Variants in ZBTB16 observed in about 807,000 individuals in gnomAD.
The protein encoded by ZBTB16 is zinc finger and BTB domain containing 16, also known as zinc finger and BTB domain-containing protein 16.
ZBTB16 carries 8 observed loss-of-function variants against 56.8 expected under a neutral mutation model. The observed-to-expected ratio is 0.14, with a 90% CI of 0.08 to 0.25. The LOEUF is 0.25. Ranked by LOEUF, ZBTB16 falls within the 10% of genes least tolerant of loss-of-function variation. The pLI, the probability that ZBTB16 is intolerant of heterozygous loss-of-function variation, is 1.00. For synonymous variants in ZBTB16, 363 were observed against 368.5 expected (o/e 0.98, Z 0.17); for missense variants, 625 against 903.0 (o/e 0.69, Z 3.95).
chr11:114,103,622 C>G (rs1216657224), intron 2 of ZBTB16, among the ~76,000 whole-genome samples: 1 of 151,928 alleles, frequency 6.6e-6, no homozygotes, highest in Non-Finnish European at 1.5e-5. Flanking sequence ...GCCCCTGGGT[C>G]GTTGGTGCTC....
intron 2 of ZBTB16, among the ~76,000 whole-genome samples, chr11:114,138,137 G>A (rs1941845676): frequency 1.3e-5 from 2 of 152,278 alleles, no homozygotes; most frequent in South Asian, 2.1e-4. Context: ...AGGGCAGGAG[G>A]ACCAGTCATG....
chr11:114,064,708 A>G lies in ZBTB16; in HGVS notation c.1268+140A>G. 8.5e-7 allele frequency: 1 copy of G among 1,180,938 alleles called. No homozygotes were observed. Among genetic ancestry groups the G allele is most frequent in the Non-Finnish European group, 1.2e-6 (1 of 829,444 alleles). The allele number at this position is 1,180,938 out of a possible 1,614,324, so 73.2% of individuals were successfully genotyped here. ...GAAAAAACCAGAACACTTCTTCTAAAGTTCTGGCGGGGAGGGGAGCAGGTT... is the reference window on the plus strand; with the variant it reads ...GAAAAAACCAGAACACTTCTTCTAAGGTTCTGGCGGGGAGGGGAGCAGGTT... On this transcript the variant is annotated intron_variant, in intron 2 of 6. Coordinates refer to ENST00000335953, the MANE Select transcript of ZBTB16 (RefSeq NM_006006.6). The surrounding 1 kb of genome is among the most constrained non-coding windows in gnomAD (Gnocchi z 4.2).
chr11:114,068,617 G>A (rs1036313282), intron 2 of ZBTB16, among the ~76,000 whole-genome samples: 2 of 152,234 alleles, frequency 1.3e-5, no homozygotes, highest in Non-Finnish European at 2.9e-5. Context: ...TGATAGATAA[G>A]CAGTATTCTG....
intron 4 of ZBTB16, among the ~76,000 whole-genome samples, chr11:114,209,074 G>A (rs1225667532): frequency 2.0e-5 from 3 of 152,108 alleles, no homozygotes; most frequent in Admixed American, 1.3e-4. Context: ...GCCCGCATCC[G>A]AAGATAACTT....
chr11:114,086,655 T>G (rs1311344593), intron 2 of ZBTB16, among the ~76,000 whole-genome samples: 2 of 152,164 alleles, frequency 1.3e-5, no homozygotes, highest in African/African-American at 2.4e-5. Flanking sequence ...CATTAACACA[T>G]CCCATCCTCA....
intron 2 of ZBTB16, among the ~76,000 whole-genome samples, chr11:114,069,166 A>C (rs775247368): frequency 5.3e-5 from 8 of 152,158 alleles, no homozygotes; most frequent in Non-Finnish European, 1.2e-4. Context: ...GCTCACTGCA[A>C]GCTCTGCCTC....
chr11:114,088,451 T>C (rs1053291397), intron 2 of ZBTB16, among the ~76,000 whole-genome samples: 4 of 152,140 alleles, frequency 2.6e-5, no homozygotes, highest in Non-Finnish European at 4.4e-5. Context: ...CTGGATCTTT[T>C]ATTGTTTGTA....
chr11:114,189,159 A>G (rs749444299), intron 4 of ZBTB16: 4 of 152,246 alleles, frequency 2.6e-5, no homozygotes, highest in Non-Finnish European at 5.9e-5. Context: ...TTGGAGGGTG[A>G]CAAAATATTT....
chr11:114,245,535 A>C (rs1027006261), intron 5 of ZBTB16, among the ~76,000 whole-genome samples: 2 of 152,174 alleles, frequency 1.3e-5, no homozygotes, highest in African/African-American at 2.4e-5. Flanking sequence ...ATGTGGGTAC[A>C]GGGGCCTAAC....
chr11:114,235,745 T>TTTCC (rs1339497685), intron 4 of ZBTB16, among the ~76,000 whole-genome samples: 74 of 149,720 alleles, frequency 4.9e-4, no homozygotes, highest in Middle Eastern at 3.5e-3. Flanking sequence ...TTTTCTTTTC[T>TTTCC]TTCCTTCCTT....
At chr11:114,187,340 G>T (rs1943384744) in intron 4 of ZBTB16, 1 of 449,298 alleles carries the variant, frequency 2.2e-6, no homozygotes, top group Non-Finnish European at 4.1e-6. Context: ...CTCTTGTTGA[G>T]GCCTTAGTCT....
At chr11:114,235,634 CTTTCTTTCTTTCTTTCTTT>C (rs1944553251) in intron 4 of ZBTB16, among the ~76,000 whole-genome samples, 2 of 20,486 alleles carry the variant, frequency 9.8e-5, no homozygotes, top group South Asian at 2.7e-3. Context: ...CCCTTCCTTT[CTTTCTTTCTTTCTTTCTTT>C]CTTTCTTTCT....
At chr11:114,204,145 T>C (rs1183130) in intron 4 of ZBTB16, among the ~76,000 whole-genome samples, 39,655 of 150,724 alleles carry the variant, frequency 0.26, 5,673 homozygotes, top group Middle Eastern at 0.41. Context: ...GTTCTCTGTG[T>C]CCCACTATCT....
intron 2 of ZBTB16, among the ~76,000 whole-genome samples, chr11:114,127,732 G>A (rs1941548817): frequency 6.6e-6 from 1 of 152,196 alleles, no homozygotes. Context: ...GGGGCCTACT[G>A]CATTGCTGGT....
intron 6 of ZBTB16, among the ~76,000 whole-genome samples, chr11:114,249,691 G>C (rs1341601716): frequency 7.0e-6 from 1 of 143,406 alleles, no homozygotes; most frequent in Non-Finnish European, 1.5e-5. Flanking sequence ...CGTGAACCCG[G>C]GAAGCGGAGC....
chr11:114,131,202 A>G (rs1307181120), intron 2 of ZBTB16, among the ~76,000 whole-genome samples: 1 of 152,068 alleles, frequency 6.6e-6, no homozygotes, highest in Non-Finnish European at 1.5e-5. Context: ...ACAACCTAAG[A>G]GGTTGTTTAC....
At chr11:114,207,412 G>A (rs675960) in intron 4 of ZBTB16, among the ~76,000 whole-genome samples, 116,843 of 151,876 alleles carry the variant, frequency 0.77, 45,085 homozygotes, top group East Asian at 0.8. Flanking sequence ...ACTCTGCTGC[G>A]TGGCCCAGAA....
intron 4 of ZBTB16, among the ~76,000 whole-genome samples, chr11:114,221,860 A>T (rs573264): frequency 6.6e-6 from 1 of 152,090 alleles, no homozygotes; most frequent in East Asian, 1.9e-4. Context: ...TCAGGAAGAG[A>T]AAGGAAAGGG....
At chr11:114,101,957 T>G (rs189009099) in intron 2 of ZBTB16, among the ~76,000 whole-genome samples, 15 of 152,350 alleles carry the variant, frequency 9.8e-5, no homozygotes, top group Non-Finnish European at 1.3e-4. Context: ...TTTAATTTCT[T>G]TATGAAATTG....
Sources: gnomAD v4.1 joint callset for allele counts (sites outside exome capture counted in the v4.1 genomes callset) on GRCh38, gnomAD v4.1.1 for gene constraint, Gnocchi (gnomAD v3.1) non-coding constraint, MANE v1.5 for transcripts, NCBI Gene and HGNC (gene_info 2026-07-23, HGNC 2026-07-21) for gene names.